The following CDK14 variants were observed in gnomAD, a reference collection of about 807,000 sequenced individuals.
CDK14 encodes the protein cyclin dependent kinase 14, also known as cyclin-dependent kinase 14.
In CDK14, 34 loss-of-function variants were observed where a neutral mutation model predicts 60.7. The observed-to-expected ratio is 0.56, with a 90% CI of 0.43 to 0.75. The LOEUF (loss-of-function observed/expected upper bound fraction) is 0.75. CDK14 is among the 30% of genes least tolerant of loss of function. CDK14 has a pLI of 0.00. For synonymous variants in CDK14, 197 were observed against 203.7 expected (o/e 0.97, Z 0.28); for missense variants, 482 against 564.1 (o/e 0.85, Z 1.47).
At chr7:90,918,942 T>TA (rs1375298711) in intron 8 of CDK14, among the ~76,000 whole-genome samples, 1 of 152,204 alleles carries the variant, frequency 6.6e-6, no homozygotes, top group African/African-American at 2.4e-5. Context: ...CCTACTTTGA[T>TA]AAAAATGATG....
chr7:90,931,746 G>T (rs900174130), intron 8 of CDK14, among the ~76,000 whole-genome samples: 1 of 152,012 alleles, frequency 6.6e-6, no homozygotes, highest in Non-Finnish European at 1.5e-5. Context: ...AGGGACTAGA[G>T]AAATATTTCA....
chr7:91,132,000 TGTTGGTTG>T (rs3038327), intron 14 of CDK14, among the ~76,000 whole-genome samples: 1 of 150,648 alleles, frequency 6.6e-6, no homozygotes, highest in African/African-American at 2.4e-5. Flanking sequence ...GAAGTTTTTT[TGTTGGTTG>T]GTTGGTTGGT....
At chr7:90,899,453 A>T (rs950370752) in intron 7 of CDK14, 100 bp downstream of exon 7, 8 of 848,208 alleles carry the variant, frequency 9.4e-6, no homozygotes, top group Middle Eastern at 2.3e-4. Flanking sequence ...AATTTTTTAA[A>T]TTTTTTGTGT....
chr7:91,204,060 A>T (rs1802806431), intron 14 of CDK14, among the ~76,000 whole-genome samples: 1 of 152,204 alleles, frequency 6.6e-6, no homozygotes, highest in African/African-American at 2.4e-5. Flanking sequence ...TCAAGCAAGG[A>T]TGAGGAGTGG....
At chr7:90,867,946 T>A (rs1791240469) in intron 6 of CDK14, among the ~76,000 whole-genome samples, 1 of 151,382 alleles carries the variant, frequency 6.6e-6, no homozygotes, top group Admixed American at 6.6e-5. Context: ...GGCAACATAG[T>A]AAGACCTTGT....
At chr7:90,774,843 G>A (rs1936978379) in intron 4 of CDK14, among the ~76,000 whole-genome samples, 1 of 152,148 alleles carries the variant, frequency 6.6e-6, no homozygotes, top group Admixed American at 6.5e-5. Flanking sequence ...AATGACCCTC[G>A]AGGGCTGTTT....
At chr7:91,170,309 C>T (rs1396542395) in intron 14 of CDK14, among the ~76,000 whole-genome samples, 1 of 152,110 alleles carries the variant, frequency 6.6e-6, no homozygotes, top group Non-Finnish European at 1.5e-5. Context: ...TTAACATTCC[C>T]TACATGCTAA....
chr7:91,050,766 GC>G (rs1000703069), intron 11 of CDK14, among the ~76,000 whole-genome samples: 1 of 152,176 alleles, frequency 6.6e-6, no homozygotes, highest in African/African-American at 2.4e-5. Flanking sequence ...ACCAGCATCT[GC>G]TTCTGGTGGG....
chr7:90,928,568 G>A (rs1274980069), intron 8 of CDK14, among the ~76,000 whole-genome samples: 1 of 152,180 alleles, frequency 6.6e-6, no homozygotes, highest in Non-Finnish European at 1.5e-5. Context: ...GTTACTCCCT[G>A]ATCTTTCCTC....
chr7:90,597,813 A>G (rs1481344901), intron 1 of CDK14, among the ~76,000 whole-genome samples: 1 of 149,672 alleles, frequency 6.7e-6, no homozygotes, highest in African/African-American at 2.5e-5. Flanking sequence ...AGAGAGTACA[A>G]TGGATCGAAA....
intron 12 of CDK14, among the ~76,000 whole-genome samples, chr7:91,080,115 G>A (rs368028537): frequency 4.6e-5 from 7 of 152,124 alleles, no homozygotes; most frequent in Admixed American, 1.3e-4. Flanking sequence ...AGTCATTCCC[G>A]TTTACTTGTG....
intron 12 of CDK14, among the ~76,000 whole-genome samples, chr7:91,086,152 G>A (rs1032182070): frequency 6.6e-5 from 10 of 152,168 alleles, no homozygotes; most frequent in Non-Finnish European, 1.5e-4. Context: ...ATTGCATTTT[G>A]CACTCAAGTG....
intron 2 of CDK14, among the ~76,000 whole-genome samples, chr7:90,665,544 T>A (rs1255258772): frequency 1.3e-5 from 2 of 152,216 alleles, no homozygotes; most frequent in Admixed American, 1.3e-4. Context: ...CAGTCCGGGT[T>A]ATTAATTGAA....
intron 6 of CDK14, among the ~76,000 whole-genome samples, chr7:90,874,577 G>A (rs1442002204): frequency 1.4e-4 from 17 of 119,132 alleles, no homozygotes; most frequent in Non-Finnish European, 2.8e-4. Context: ...GCCGGACTGC[G>A]GACTGCAGTG....
intron 4 of CDK14, among the ~76,000 whole-genome samples, chr7:90,778,953 C>CT (rs1018808742): frequency 6.9e-6 from 1 of 144,648 alleles, no homozygotes; most frequent in Non-Finnish European, 1.5e-5. Flanking sequence ...CTTCTTTTCT[C>CT]TTTTTTAAGA....
chr7:90,761,235 G>A (rs1359656634), intron 4 of CDK14, among the ~76,000 whole-genome samples: 1 of 152,100 alleles, frequency 6.6e-6, no homozygotes, highest in African/African-American at 2.4e-5. Flanking sequence ...CATTTGGACA[G>A]GAGACGCTCA....
intron 7 of CDK14, among the ~76,000 whole-genome samples, chr7:90,900,180 G>C (rs866327700): frequency 1.3e-5 from 2 of 151,612 alleles, no homozygotes; most frequent in South Asian, 2.1e-4. Context: ...AATGTGACAA[G>C]TTAATAGAGG....
At chr7:90,943,231 T>G (rs1313635359) in intron 8 of CDK14, among the ~76,000 whole-genome samples, 2 of 152,146 alleles carry the variant, frequency 1.3e-5, no homozygotes, top group African/African-American at 4.8e-5. Context: ...ACATTTTACA[T>G]AAGACCCAGT....
chr7:90,801,436 T>C (rs1234777539), intron 5 of CDK14, among the ~76,000 whole-genome samples: 1 of 152,218 alleles, frequency 6.6e-6, no homozygotes, highest in Non-Finnish European at 1.5e-5. Flanking sequence ...ATATGAACTG[T>C]GGCTTGTGTG....
Sources: allele counts gnomAD v4.1 joint callset (sites outside exome capture counted in the v4.1 genomes callset), GRCh38; gene constraint gnomAD v4.1.1; transcripts MANE v1.5; gene names NCBI Gene and HGNC (gene_info 2026-07-23, HGNC 2026-07-21).